Variants in CHST2 observed in about 807,000 individuals in gnomAD.
CHST2 encodes the protein N-acetylglucosamine 6-O-sulfotransferase 1.
CHST2 carries 23 observed loss-of-function variants against 34.6 expected under a neutral mutation model. The ratio of observed to expected loss-of-function variants is 0.67; its 90% CI spans 0.48 to 0.94. The LOEUF is 0.94. Among genes scored for constraint, CHST2 ranks in the 40% least tolerant of loss-of-function variants. CHST2 has a pLI of 0.00. For missense variants in CHST2, 720 were observed against 759.5 expected, an observed-to-expected ratio of 0.95 and a Z score of 0.61; for synonymous variants, 392 against 343.1, an observed-to-expected ratio of 1.14 and a Z score of -1.58.
At position 143,121,431 on chromosome 3, in the gene CHST2, T is replaced by C; in HGVS notation, c.615T>C (p.Tyr205=). Reference sequence around the variant, plus strand: ...TGTGGCATGTATGGCAAAAACTGTATCCGGGGGACGCCGTTTCCCTGCAGG... The same window carrying C: ...TGTGGCATGTATGGCAAAAACTGTACCCGGGGGACGCCGTTTCCCTGCAGG... The part of the protein sequence containing the change: ...EPVWHVWQKL[Y]PGDAVSLQGA... Residue 205 remains tyrosine (Y), a synonymous_variant, in exon 2 of 2, where the codon TAT becomes TAC. Transcript: ENST00000309575. The C allele has an allele frequency of 6.2e-7, 1 of 1,613,818 alleles. No individual in the cohort carries two copies. Among genetic ancestry groups the C allele is most frequent in the Non-Finnish European group, 8.5e-7 (1 of 1,180,004 alleles).
At position 143,121,096 on chromosome 3, in the gene CHST2, G is replaced by A; in HGVS notation, c.280G>A (p.Ala94Thr). ...QQCNPDGPLGAAAGAAGGSWG... is the reference protein window; with the variant it reads ...QQCNPDGPLGTAAGAAGGSWG... Reference sequence around the variant, plus strand: ...GTGCAACCCCGATGGGCCGCTGGGTGCCGCAGCGGGGGCAGCCGGAGGCAG... The same window carrying A: ...GTGCAACCCCGATGGGCCGCTGGGTACCGCAGCGGGGGCAGCCGGAGGCAG... The change falls in exon 2 of 2, where the codon GCC becomes ACC. Residue 94 changes from alanine (A) to threonine (T), a missense_variant. Coordinates refer to ENST00000309575, the MANE Select transcript of CHST2 (RefSeq NM_004267.5). 6.7e-7 allele frequency: 1 copy of A among 1,498,562 alleles called. No homozygotes were observed. The highest frequency in any genetic ancestry group is 8.9e-7 in the Non-Finnish European group (1 of 1,127,850). 92.8% of individuals were successfully genotyped at this position (1,498,562 alleles called of 1,614,324 possible).
rs148028120 is a variant in CHST2, at chr3:143,121,716, A to G, written c.900A>G (p.Thr300=). 6.3e-7 allele frequency: 1 copy of G among 1,592,758 alleles called. No homozygotes were observed. Among genetic ancestry groups the G allele is most frequent in the Non-Finnish European group, 8.6e-7 (1 of 1,167,982 alleles). ...AGGAGGAGTGCCGCAAGTACCGCAC[A>G]CTAGTCATAAAGGGTGTGCGCGTCT... ...RFEEECRKYR[T]LVIKGVRVFD... Residue 300 remains threonine (T), a synonymous_variant, in exon 2 of 2, where the codon ACA becomes ACG. Transcript: ENST00000309575.
In CHST2 at chr3:143,122,236, C is replaced by G. The variant is rs754564573; in HGVS notation, c.1420C>G (p.Arg474Gly). The G allele has an allele frequency of 1.2e-6, 2 of 1,614,060 alleles. No homozygotes were observed. Among genetic ancestry groups the G allele is most frequent in the South Asian group, 2.2e-5 (2 of 91,088 alleles). The change falls in exon 2 of 2, where the codon CGC becomes GGC. Residue 474 changes from arginine to glycine, a missense_variant. Arg to Gly is a moderately radical substitution (Grantham distance 125). Around this residue, in one of 4 missense-constraint regions of CHST2, gnomAD observed 224 missense variants for 227.8 expected, o/e 0.98. Coordinates refer to ENST00000309575, the MANE Select transcript of CHST2 (RefSeq NM_004267.5). ...SSSKPFVVSA[R>G]NATQAANAWR... ...CTCCAAGCCTTTCGTGGTATCTGCA[C>G]GCAATGCCACGCAGGCCGCCAATGC...
Position 143,121,040 on chromosome 3 carries a change from A to T in CHST2, c.224A>T (p.Asp75Val). ...LLVLTMLNLLDYKWHKEPLQQ... is the reference protein window; with the variant it reads ...LLVLTMLNLLVYKWHKEPLQQ... ...GTGCTCACTATGCTCAACCTCCTGG[A>T]CTACAAGTGGCACAAGGAGCCGCTG... Residue 75 changes from aspartate to valine, a missense_variant, in exon 2 of 2, where the codon GAC (aspartate) becomes GTC (valine). Asp to Val is a radical substitution (Grantham distance 152, BLOSUM62 -3). This residue lies in a region of CHST2 where 287 missense variants were observed against 242.7 expected (regional missense o/e 1.18). Coordinates refer to ENST00000309575, the MANE Select transcript of CHST2 (RefSeq NM_004267.5). 1 of 1,527,268 alleles carries T rather than the reference A, an allele frequency of 6.5e-7. No individual in the cohort carries two copies. The highest frequency in any genetic ancestry group is 8.8e-7 in the Non-Finnish European group (1 of 1,138,170). The allele number at this position is 1,527,268 out of a possible 1,614,324, so 94.6% of individuals were successfully genotyped here.
At position 143,120,587 on chromosome 3, in the gene CHST2, A is replaced by G. The variant is rs1314141024; in HGVS notation, c.-174+46A>G. ...GAACCGAGGGTGGGCGTTACTTAGG[A>G]GGAGGAGGCTGGGAGGGAGATTGGG... On this transcript the variant is annotated intron_variant, in intron 1 of 1. Coordinates refer to ENST00000309575, the MANE Select transcript of CHST2 (RefSeq NM_004267.5). The surrounding 1 kb of genome is among the most constrained non-coding windows in gnomAD (Gnocchi z 4.1). 1 of 284,468 alleles carries G rather than the reference A, an allele frequency of 3.5e-6. No homozygotes were observed. 17.6% of individuals were successfully genotyped at this position (284,468 alleles called of 1,614,324 possible).
Position 143,122,138 on chromosome 3 carries a change from A to C in CHST2, c.1322A>C (p.Asp441Ala), listed in dbSNP as rs754652696. 6.2e-7 allele frequency: 1 copy of C among 1,614,134 alleles called. No individual in the cohort carries two copies. Among genetic ancestry groups the C allele is most frequent in the East Asian group, 2.2e-5 (1 of 44,884 alleles). The change falls in exon 2 of 2, where the codon GAT (aspartate) becomes GCT (alanine). Residue 441 changes from aspartate (D) to alanine (A), a missense_variant. Around this residue, in one of 4 missense-constraint regions of CHST2, gnomAD observed 224 missense variants for 227.8 expected, o/e 0.98. Coordinates refer to ENST00000309575, the MANE Select transcript of CHST2 (RefSeq NM_004267.5). Reference sequence around the variant, plus strand: ...GTCAAGACACTACGGAGAGTGTACGATTTTGTGGGACTGTTGGTGAGCCCC... The same window carrying C: ...GTCAAGACACTACGGAGAGTGTACGCTTTTGTGGGACTGTTGGTGAGCCCC... The part of the protein sequence containing the change: ...DPVKTLRRVY[D>A]FVGLLVSPEM...
Position 143,123,741 on chromosome 3 carries a change from A to G in CHST2, c.*1332A>G, listed in dbSNP as rs937166173. On this transcript the variant is annotated 3_prime_UTR_variant, in exon 2 of 2. Coordinates refer to ENST00000309575, the MANE Select transcript of CHST2 (RefSeq NM_004267.5). The stretch of plus-strand genomic sequence containing the variant: ...AAAGTAACATGCTGCAGACAGTATA[A>G]GGCTTCAGCCAAGAGCTTCTTTTAG... 6.6e-6 allele frequency: 1 copy of G among 152,248 alleles called. No homozygotes were observed. Among genetic ancestry groups the G allele is most frequent in the Non-Finnish European group, 1.5e-5 (1 of 68,036 alleles). 9.4% of individuals were successfully genotyped at this position (152,248 alleles called of 1,614,324 possible). A position where few individuals can be genotyped will look rare whatever the true frequency, so the allele number is the denominator to read the frequency against.
Position 143,120,546 on chromosome 3 carries a change from G to A in CHST2, c.-174+5G>A. ...CGGGCGCGCCCTCGGCTCCAGGTGA[G>A]CGGAGGAACCGGGCAGAACCGAGGG... is the stretch of plus-strand genomic sequence containing the variant. On this transcript the variant is annotated splice_donor_5th_base_variant and intron_variant, in intron 1 of 1. Coordinates refer to ENST00000309575, the MANE Select transcript of CHST2 (RefSeq NM_004267.5). The surrounding 1 kb of genome is among the most constrained non-coding windows in gnomAD (Gnocchi z 4.1). 4.2e-6 allele frequency: 1 copy of A among 239,910 alleles called. No individual in the cohort carries two copies. Among genetic ancestry groups the A allele is most frequent in the Non-Finnish European group, 7.9e-6 (1 of 126,478 alleles). 14.9% of individuals were successfully genotyped at this position (239,910 alleles called of 1,614,324 possible).
chr3:143,121,144 C>G lies in CHST2; in HGVS notation c.328C>G (p.Pro110Ala), dbSNP rs1028467124. 6 of 1,451,766 alleles carry G rather than the reference C, an allele frequency of 4.1e-6. No homozygotes were observed. The highest frequency in any genetic ancestry group is 4.5e-6 in the Non-Finnish European group (5 of 1,113,994). 89.9% of individuals were successfully genotyped at this position (1,451,766 alleles called of 1,614,324 possible). ...GGSWGRPGPP[P>A]AGPPRAHARL... ...CAGCTGGGGGCGCCCAGGGCCGCCT[C>G]CGGCCGGGCCGCCCCGTGCTCATGC... is the stretch of plus-strand genomic sequence containing the variant. Residue 110 changes from proline to alanine, a missense_variant, in exon 2 of 2, where the codon CCG becomes GCG. This residue lies in a region of CHST2 where 287 missense variants were observed against 242.7 expected (regional missense o/e 1.18). Transcript: ENST00000309575.
rs770246299 is a variant in CHST2, at chr3:143,121,932, G to T, written c.1116G>T (p.Ala372=). 6.3e-7 allele frequency: 1 copy of T among 1,579,676 alleles called. No individual in the cohort carries two copies. Among genetic ancestry groups the T allele is most frequent in the East Asian group, 2.2e-5 (1 of 44,494 alleles). Residue 372 remains alanine (A), a synonymous_variant, in exon 2 of 2, where the codon GCG becomes GCT. Transcript: ENST00000309575. The stretch of plus-strand genomic sequence containing the variant: ...ACCGCATGCCCTTCTTGGAGGCCGC[G>T]GGCCACAAGCTTGGCGCCAAGAAGG... ...RAHRMPFLEA[A]GHKLGAKKEG... is the part of the protein sequence containing the mutation.
In CHST2 at chr3:143,122,167, A is replaced by G; in HGVS notation, c.1351A>G (p.Met451Val). The change falls in exon 2 of 2, where the codon ATG becomes GTG. Residue 451 changes from methionine to valine, a missense_variant. Transcript: ENST00000309575. The stretch of plus-strand genomic sequence containing the variant: ...TGTGGGACTGTTGGTGAGCCCCGAA[A>G]TGGAGCAGTTTGCCCTGAACATGAC... ...DFVGLLVSPE[M>V]EQFALNMTSG... is the part of the protein sequence containing the mutation. The G allele has an allele frequency of 6.2e-7, 1 of 1,614,190 alleles. No homozygotes were observed. The highest frequency in any genetic ancestry group is 8.5e-7 in the Non-Finnish European group (1 of 1,180,002).
chr3:143,121,446 T>C lies in CHST2; in HGVS notation c.630T>C (p.Val210=), dbSNP rs778039491. ...AAAAACTGTATCCGGGGGACGCCGT[T>C]TCCCTGCAGGGGGCAGCGCGGGACA... ...VWQKLYPGDA[V]SLQGAARDML... Residue 210 remains valine, a synonymous_variant, in exon 2 of 2, where the codon GTT becomes GTC. Coordinates refer to ENST00000309575, the MANE Select transcript of CHST2 (RefSeq NM_004267.5). 33 of 1,613,392 alleles carry C rather than the reference T, an allele frequency of 2.0e-5. 1 individual carries two copies. In the South Asian group the frequency reaches 3.6e-4, roughly 18 times the overall value.
In CHST2 at chr3:143,121,500, C is replaced by T. The variant is rs142329074; in HGVS notation, c.684C>T (p.Leu228=). Residue 228 remains leucine (L), a synonymous_variant, in exon 2 of 2, where the codon CTC becomes CTT. Coordinates refer to ENST00000309575, the MANE Select transcript of CHST2 (RefSeq NM_004267.5). Reference sequence around the variant, plus strand: ...TGAGCGCTCTTTACCGCTGCGACCTCTCTGTCTTCCAGTTGTATAGCCCCG... The same window carrying T: ...TGAGCGCTCTTTACCGCTGCGACCTTTCTGTCTTCCAGTTGTATAGCCCCG... The part of the protein sequence containing the change: ...DMLSALYRCD[L]SVFQLYSPAG... 9 of 1,612,012 alleles carry T rather than the reference C, an allele frequency of 5.6e-6. No individual in the cohort carries two copies. Among genetic ancestry groups the T allele is most frequent in the Non-Finnish European group, 7.6e-6 (9 of 1,179,236 alleles).
rs1936198963 is a variant in CHST2 at position 143,120,834 on chromosome 3, G to C, written c.18G>C (p.Gln6His). The C allele has an allele frequency of 1.5e-6, 2 of 1,319,346 alleles. No homozygotes were observed. Among genetic ancestry groups the C allele is most frequent in the South Asian group, 4.6e-5 (2 of 43,466 alleles). The allele number at this position is 1,319,346 out of a possible 1,614,324, so 81.7% of individuals were successfully genotyped here. Reference sequence around the variant, plus strand: ...TGCCTGTGATGAGCCGCAGCCCGCAGCGAGCTCTGCCCCCGGGCGCGCTCC... The same window carrying C: ...TGCCTGTGATGAGCCGCAGCCCGCACCGAGCTCTGCCCCCGGGCGCGCTCC... The part of the protein sequence containing the change: MSRSP[Q>H]RALPPGALPR... Residue 6 changes from glutamine to histidine, a missense_variant, in exon 2 of 2, where the codon CAG (glutamine) becomes CAC (histidine). Gln to His is a conservative substitution (Grantham distance 24). Transcript: ENST00000309575. The surrounding 1 kb of genome is among the most constrained non-coding windows in gnomAD (Gnocchi z 4.1).
In CHST2 at chr3:143,120,501, C is replaced by G. The variant is rs1053738688; in HGVS notation, c.-214C>G. The stretch of plus-strand genomic sequence containing the variant: ...AGTGACAGCCGGACAGTCCGCCGGG[C>G]GGTGATCCGGGGCCGCTCCCGGGCG... On this transcript the variant is annotated 5_prime_UTR_variant, in exon 1 of 2. Coordinates refer to ENST00000309575, the MANE Select transcript of CHST2 (RefSeq NM_004267.5). This position sits in a 1 kb window ranked among gnomAD's most constrained non-coding sequence, Gnocchi z 4.1. 1.0e-4 allele frequency: 21 copies of G among 206,058 alleles called. No individual in the cohort carries two copies. Among genetic ancestry groups the G allele is most frequent in the Non-Finnish European group, 1.7e-4 (18 of 103,508 alleles). 12.8% of individuals were successfully genotyped at this position (206,058 alleles called of 1,614,324 possible).
rs1474064790 is a variant in CHST2 at position 143,123,775 on chromosome 3, A to G, written c.*1366A>G. On this transcript the variant is annotated 3_prime_UTR_variant, in exon 2 of 2. Coordinates refer to ENST00000309575, the MANE Select transcript of CHST2 (RefSeq NM_004267.5). ...CCAAGAGCTTCTTTTAGATATGATAATGAATTGTGGTAAAGAGGAAATGAA... is the reference window on the plus strand; with the variant it reads ...CCAAGAGCTTCTTTTAGATATGATAGTGAATTGTGGTAAAGAGGAAATGAA... 6.6e-6 allele frequency: 1 copy of G among 152,248 alleles called. No individual in the cohort carries two copies. The highest frequency in any genetic ancestry group is 2.4e-5 in the African/African-American group (1 of 41,470). The allele number at this position is 152,248 out of a possible 1,614,324, so 9.4% of individuals were successfully genotyped here.
In CHST2 at chr3:143,121,129, C is replaced by A. The variant is rs1434379090; in HGVS notation, c.313C>A (p.Arg105Ser). 2 of 1,458,778 alleles carry A rather than the reference C, an allele frequency of 1.4e-6. No homozygotes were observed. Among genetic ancestry groups the A allele is most frequent in the East Asian group, 2.8e-5 (1 of 35,752 alleles). The allele number at this position is 1,458,778 out of a possible 1,614,324, so 90.4% of individuals were successfully genotyped here. ...GGGGGCAGCCGGAGGCAGCTGGGGG[C>A]GCCCAGGGCCGCCTCCGGCCGGGCC... is the stretch of plus-strand genomic sequence containing the variant. ...AAGAAGGSWG[R>S]PGPPPAGPPR... is the part of the protein sequence containing the mutation. Residue 105 changes from arginine to serine, a missense_variant, in exon 2 of 2, where the codon CGC (arginine) becomes AGC (serine). Arg to Ser is a moderately radical substitution (Grantham distance 110). Transcript: ENST00000309575.
rs1451839298 is a variant in CHST2, at chr3:143,123,815, T to G, written c.*1406T>G. The stretch of plus-strand genomic sequence containing the variant: ...GAGGAAATGAAAATGAACTAGTGTG[T>G]AGGATTTTGAAATTTGGTATTTTCC... On this transcript the variant is annotated 3_prime_UTR_variant, in exon 2 of 2. Transcript: ENST00000309575. 1.3e-5 allele frequency: 2 copies of G among 152,264 alleles called. No homozygotes were observed. The highest frequency in any genetic ancestry group is 2.9e-5 in the Non-Finnish European group (2 of 68,048). 9.4% of individuals were successfully genotyped at this position (152,264 alleles called of 1,614,324 possible).
Position 143,121,320 on chromosome 3 carries a change from C to G in CHST2, c.504C>G (p.Tyr168Ter). The G allele has an allele frequency of 1.2e-6, 2 of 1,613,346 alleles. No homozygotes were observed. The highest frequency in any genetic ancestry group is 1.7e-6 in the Non-Finnish European group (2 of 1,179,950). The change falls in exon 2 of 2, where the codon TAC (tyrosine) becomes TAG (stop). Residue 168 changes from tyrosine to a stop codon, truncating the protein, a stop_gained. Coordinates refer to ENST00000309575, the MANE Select transcript of CHST2 (RefSeq NM_004267.5). LOFTEE classifies it high-confidence loss of function. ...TCGGGGACAAGCGGCAGCTGGTGTA[C>G]GTGTTCACCACGTGGCGCTCTGGCT... ...GGVGDKRQLVYVFTTWRSGSS... is the reference protein window; with the variant it reads ...GGVGDKRQLV
Sources: gnomAD v4.1 joint callset for allele counts on GRCh38, gnomAD v4.1.1 for gene constraint, gnomAD v4.1.1 regional missense constraint, Gnocchi (gnomAD v3.1) non-coding constraint, MANE v1.5 for transcripts, NCBI Gene and HGNC (gene_info 2026-07-23, HGNC 2026-07-21) for gene names.